Variants in SPTBN1 observed in about 807,000 individuals in gnomAD.
SPTBN1 encodes the protein spectrin beta, non-erythrocytic 1, also known as spectrin beta chain, non-erythrocytic 1.
Under a neutral mutation model 266.4 loss-of-function variants are expected in SPTBN1, and 32 were observed. The ratio of observed to expected loss-of-function variants is 0.12; its 90% CI spans 0.09 to 0.16. SPTBN1 has a LOEUF of 0.16. Among genes scored for constraint, SPTBN1 ranks in the 10% least tolerant of loss-of-function variants. The pLI is 1.00. For synonymous variants in SPTBN1, 1,336 were observed against 1,162.2 expected (o/e 1.15, Z -3.04); for missense variants, 2,296 against 3,067.1 (o/e 0.75, Z 5.94).
rs1267813018 is a variant in SPTBN1, at chr2:54,481,440, G to GTT, written c.-48+24925_-48+24926dup. Among the ~76,000 whole-genome samples the GTT allele has an allele frequency of 4.4e-3, 324 of 73,872 alleles. 3 individuals are homozygous for GTT. The highest frequency in any genetic ancestry group is 0.02 in the African/African-American group (258 of 13,168). 48.5% of individuals were successfully genotyped at this position (73,872 alleles called of 152,430 possible). On this transcript the variant is annotated intron_variant, in intron 1 of 35. Coordinates refer to ENST00000356805, the MANE Select transcript of SPTBN1 (RefSeq NM_003128.3). ...TGTGTGTGTGTGTGTGTGTGTGTGT[G>GTT]TTTTGTTTTGTTTGTTTGTTTGTTT...
At chr2:54,627,227 T>C (rs1678404645) in intron 12 of SPTBN1, among the ~76,000 whole-genome samples, 1 of 152,180 alleles carries the variant, frequency 6.6e-6, no homozygotes, top group African/African-American at 2.4e-5. Context: ...TTAGGTCTGG[T>C]CTCTCTTGAC....
chr2:54,464,320 G>C (rs950224220), intron 1 of SPTBN1, among the ~76,000 whole-genome samples: 1 of 152,178 alleles, frequency 6.6e-6, no homozygotes, highest in East Asian at 1.9e-4. Context: ...CGCAACTGTA[G>C]GGTGGAATTC....
rs1202576007 is a variant in SPTBN1, at chr2:54,533,000, C to T, written c.148+6434C>T. ...CTTGTTGAGAACTTTTACTTTTTCA[C>T]TTAAAGGAAGCATTTGACAGTCGCT... On this transcript the variant is annotated intron_variant, in intron 2 of 35. Coordinates refer to ENST00000356805, the MANE Select transcript of SPTBN1 (RefSeq NM_003128.3). 2.0e-5 allele frequency among the ~76,000 whole-genome samples: 3 copies of T among 151,908 alleles called. No homozygotes were observed. The East Asian group carries it at 5.8e-4, about 29-fold the overall frequency.
At chr2:54,637,401 A>T (rs2103986052) in intron 17 of SPTBN1, among the ~76,000 whole-genome samples, 1 of 152,302 alleles carries the variant, frequency 6.6e-6, no homozygotes, top group African/African-American at 2.4e-5. Context: ...TAAAATAAGG[A>T]CTTGTACAAA....
intron 1 of SPTBN1, among the ~76,000 whole-genome samples, chr2:54,481,421 TGTGTGTGTGTGTGTGTGTG>T (rs767260862): frequency 6.1e-4 from 82 of 135,178 alleles, no homozygotes; most frequent in East Asian, 1.6e-3. Context: ...TGTGTGTGTG[TGTGTGTGTGTGTGTGTGTG>T]TTTTGTTTTG....
intron 1 of SPTBN1, among the ~76,000 whole-genome samples, chr2:54,510,863 T>A (rs1669823012): frequency 6.6e-6 from 1 of 152,242 alleles, no homozygotes; most frequent in South Asian, 2.1e-4. Context: ...CTTTTGCTCT[T>A]ATACCTGATT....
chr2:54,465,637 CTCATAT>C (rs1362312815), intron 1 of SPTBN1, among the ~76,000 whole-genome samples: 1,501 of 89,744 alleles, frequency 0.017, 42 homozygotes, highest in African/African-American at 0.051. Context: ...TCATGTTTAT[CTCATAT>C]ATATATATAT....
intron 2 of SPTBN1, among the ~76,000 whole-genome samples, chr2:54,531,972 T>G (rs1347090190): frequency 6.6e-6 from 1 of 152,132 alleles, no homozygotes; most frequent in African/African-American, 2.4e-5. Flanking sequence ...TGTAAAAATT[T>G]AAGACTTAGA....
intron 1 of SPTBN1, among the ~76,000 whole-genome samples, chr2:54,500,236 C>T (rs1341374601): frequency 6.6e-6 from 1 of 152,120 alleles, no homozygotes; most frequent in Non-Finnish European, 1.5e-5. Flanking sequence ...ATGTTTCAGG[C>T]AACAGAAAAC....
At chr2:54,559,928 C>G (rs1244569193) in intron 2 of SPTBN1, among the ~76,000 whole-genome samples, 2 of 152,130 alleles carry the variant, frequency 1.3e-5, no homozygotes, top group Non-Finnish European at 2.9e-5. Context: ...GTCTTTCATT[C>G]ATTGGTTTAT....
At chr2:54,657,261 C>G (rs1680732110) in intron 29 of SPTBN1, among the ~76,000 whole-genome samples, 1 of 152,218 alleles carries the variant, frequency 6.6e-6, no homozygotes. Flanking sequence ...CCTCTAAACC[C>G]CCCAAAATAA....
intron 2 of SPTBN1, chr2:54,529,626 A>G (rs769244043): frequency 2.8e-6 from 2 of 720,166 alleles, no homozygotes; most frequent in South Asian, 1.4e-5. Context: ...AAAGACAACA[A>G]CACCCTTGTG....
intron 33 of SPTBN1, among the ~76,000 whole-genome samples, chr2:54,665,254 C>T (rs1427162549): frequency 1.3e-5 from 2 of 152,230 alleles, no homozygotes; most frequent in African/African-American, 4.8e-5. Context: ...CCATATCTTA[C>T]TGTGCAGTTT....
chr2:54,612,289 C>A lies in SPTBN1; in HGVS notation c.429C>A (p.His143Gln). 1 of 1,614,064 alleles carries A rather than the reference C, an allele frequency of 6.2e-7. No individual in the cohort carries two copies. Among genetic ancestry groups the A allele is most frequent in the Non-Finnish European group, 8.5e-7 (1 of 1,179,928 alleles). Residue 143 changes from histidine (H) to glutamine (Q), a missense_variant, in exon 4 of 36, where the codon CAC (histidine) becomes CAA (glutamine). His to Gln is a conservative substitution (Grantham distance 24). This residue lies in a region of SPTBN1 where 178 missense variants were observed against 375.7 expected (regional missense o/e 0.47). Coordinates refer to ENST00000356805, the MANE Select transcript of SPTBN1 (RefSeq NM_003128.3). The part of the protein sequence containing the change: ...MGSHDIVDGN[H>Q]RLTLGLIWTI... ...CCCATGACATCGTGGATGGAAACCA[C>A]CGGCTGACCCTTGGCCTCATCTGGA... is the stretch of plus-strand genomic sequence containing the variant.
chr2:54,500,420 TAAG>T (rs984626023), intron 1 of SPTBN1, among the ~76,000 whole-genome samples: 3 of 152,146 alleles, frequency 2.0e-5, no homozygotes, highest in African/African-American at 7.2e-5. Flanking sequence ...TCCACTGTGT[TAAG>T]GAGGGGTGGG....
chr2:54,543,774 G>T (rs1213034406), intron 2 of SPTBN1, among the ~76,000 whole-genome samples: 2 of 151,986 alleles, frequency 1.3e-5, no homozygotes, highest in Non-Finnish European at 2.9e-5. Context: ...TTGATAAATT[G>T]GTCCCCCCTC....
chr2:54,657,028 C>G (rs1680713685), intron 29 of SPTBN1, among the ~76,000 whole-genome samples: 1 of 152,210 alleles, frequency 6.6e-6, no homozygotes. Flanking sequence ...CCTTGGGACA[C>G]CAACGCTGCC....
At chr2:54,611,931 C>G (rs1249596075) in intron 3 of SPTBN1, among the ~76,000 whole-genome samples, 2 of 152,206 alleles carry the variant, frequency 1.3e-5, no homozygotes, top group Admixed American at 1.3e-4. Context: ...CTATATAGCT[C>G]CACAACTATT....
intron 1 of SPTBN1, among the ~76,000 whole-genome samples, chr2:54,462,534 A>G (rs573926175): frequency 2.0e-5 from 3 of 152,304 alleles, no homozygotes; most frequent in South Asian, 2.1e-4. Context: ...ACTTTGTAAT[A>G]TTGTTTTTTA....
Sources: allele counts gnomAD v4.1 joint callset (sites outside exome capture counted in the v4.1 genomes callset), GRCh38; gene constraint gnomAD v4.1.1; regional missense constraint gnomAD v4.1.1; transcripts MANE v1.5; gene names NCBI Gene and HGNC (gene_info 2026-07-23, HGNC 2026-07-21).